The following ABCG1 variants were observed in gnomAD, a reference collection of about 807,000 sequenced individuals.
ABCG1 encodes the protein ATP binding cassette subfamily G member 1, also known as ATP-binding cassette sub-family G member 1.
Under a neutral mutation model 69.2 loss-of-function variants are expected in ABCG1, and 29 were observed. That is an observed-to-expected ratio of 0.42 (90% CI 0.31 to 0.57). ABCG1 has a LOEUF of 0.57. Ranked by LOEUF, ABCG1 falls within the 20% of genes least tolerant of loss-of-function variation. ABCG1 has a pLI of 0.15. For synonymous variants in ABCG1, 370 were observed against 374.8 expected, an observed-to-expected ratio of 0.99 and a Z score of 0.15; for missense variants, 718 against 898.1, an observed-to-expected ratio of 0.80 and a Z score of 2.56.
chr21:42,235,545 C>T (rs1354338935), intron 2 of ABCG1, among the ~76,000 whole-genome samples: 1 of 152,184 alleles, frequency 6.6e-6, no homozygotes, highest in African/African-American at 2.4e-5. Context: ...AGACAGTGAT[C>T]AATATTTAAG....
At chr21:42,222,672 T>C (rs1459322327) in intron 1 of ABCG1, among the ~76,000 whole-genome samples, 1 of 152,140 alleles carries the variant, frequency 6.6e-6, no homozygotes, top group African/African-American at 2.4e-5. Context: ...TCATCCCACC[T>C]CCCAGCACCC....
chr21:42,256,095 G>A (rs936123821), intron 2 of ABCG1: 233 of 1,273,324 alleles, frequency 1.8e-4, no homozygotes, highest in Non-Finnish European at 2.3e-4. Context: ...TCTTTCCAAG[G>A]GTCTCTGGGT....
intron 1 of ABCG1, chr21:42,220,087 T>C (rs1296289159): frequency 6.6e-7 from 1 of 1,523,828 alleles, no homozygotes; most frequent in Non-Finnish European, 8.9e-7. Context: ...TCTCCCTTTC[T>C]GGTTTTCTGG....
chr21:42,256,393 C>G, intron 2 of ABCG1: 1 of 1,550,200 alleles, frequency 6.5e-7, no homozygotes, highest in Non-Finnish European at 8.7e-7. Context: ...TTCTCTTGGC[C>G]AGACTGTGGT....
chr21:42,277,821 A>G (rs527385153), intron 5 of ABCG1, among the ~76,000 whole-genome samples: 3 of 152,244 alleles, frequency 2.0e-5, no homozygotes, highest in African/African-American at 7.2e-5. Context: ...ACAGAGTCAA[A>G]CATACTGAGG....
chr21:42,204,656 T>C (rs1204814508), intron 2 of ABCG1, among the ~76,000 whole-genome samples: 1 of 152,074 alleles, frequency 6.6e-6, no homozygotes, highest in Non-Finnish European at 1.5e-5. Context: ...TTTGTTTGGG[T>C]TTTCTGTATT....
chr21:42,265,614 G>A (rs1282345360), intron 2 of ABCG1, among the ~76,000 whole-genome samples: 1 of 152,192 alleles, frequency 6.6e-6, no homozygotes, highest in African/African-American at 2.4e-5. Flanking sequence ...CGGCCCTGAG[G>A]GCACTTCCAG....
At chr21:42,209,455 A>T (rs191755786) in intron 2 of ABCG1, among the ~76,000 whole-genome samples, 9 of 152,352 alleles carry the variant, frequency 5.9e-5, no homozygotes, top group Admixed American at 5.9e-4. Flanking sequence ...ATGATGTTAG[A>T]GCAAAGCAAT....
chr21:42,270,317 A>G (rs1260436944), intron 2 of ABCG1, among the ~76,000 whole-genome samples: 2 of 151,000 alleles, frequency 1.3e-5, no homozygotes, highest in African/African-American at 4.9e-5. Context: ...CTATGCATCC[A>G]GTTGCTTCTG....
intron 2 of ABCG1, among the ~76,000 whole-genome samples, chr21:42,209,402 G>C (rs556373772): frequency 2.0e-5 from 3 of 152,318 alleles, no homozygotes; most frequent in South Asian, 4.1e-4. Context: ...CATAACTCAT[G>C]GTTTTTATTA....
At chr21:42,228,167 G>A (rs1032660578) in intron 2 of ABCG1, among the ~76,000 whole-genome samples, 9 of 152,172 alleles carry the variant, frequency 5.9e-5, no homozygotes, top group African/African-American at 9.7e-5. Context: ...TCTTAGGAGC[G>A]CAGCCCGGGC....
At chr21:42,293,237 CACACACACCACACTACACACCAT>C (rs1189502448) in intron 13 of ABCG1, among the ~76,000 whole-genome samples, 5 of 143,126 alleles carry the variant, frequency 3.5e-5, no homozygotes, top group African/African-American at 2.7e-5. Context: ...CTACACACCA[CACACACACCACACTACACACCAT>C]ACACTACACA....
At chr21:42,253,088 G>A (rs150595637) in intron 2 of ABCG1, among the ~76,000 whole-genome samples, 4 of 152,170 alleles carry the variant, frequency 2.6e-5, no homozygotes, top group Non-Finnish European at 4.4e-5. Context: ...TGCAGTGGGC[G>A]AGGTGTCTAA....
chr21:42,210,466 T>C (rs1422249100), intron 2 of ABCG1, among the ~76,000 whole-genome samples: 1 of 152,222 alleles, frequency 6.6e-6, no homozygotes, highest in African/African-American at 2.4e-5. Context: ...TCTGTCTTAA[T>C]CTTCAACTTT....
At chr21:42,247,880 C>T (rs137863052) in intron 2 of ABCG1, among the ~76,000 whole-genome samples, 166 of 152,258 alleles carry the variant, frequency 1.1e-3, no homozygotes, top group African/African-American at 3.6e-3. Flanking sequence ...AGCCCACAGA[C>T]GCCTGGGGCC....
chr21:42,242,896 G>C lies in ABCG1; in HGVS notation c.286+16982G>C, dbSNP rs562997199. Among the ~76,000 whole-genome samples the C allele has an allele frequency of 2.6e-5, 4 of 152,262 alleles. No homozygotes were observed. In the East Asian group the frequency reaches 7.7e-4, roughly 29 times the overall value. ...GGGCTGCACCCCCGGGGGTCTGAGT[G>C]AGCAGGTTTGGGGCAGGCAGGGTTC... On this transcript the variant is annotated intron_variant, in intron 2 of 14. Coordinates refer to ENST00000398449, the MANE Select transcript of ABCG1 (RefSeq NM_016818.3).
chr21:42,205,518 A>G (rs1569199234), intron 2 of ABCG1, among the ~76,000 whole-genome samples: 1 of 151,944 alleles, frequency 6.6e-6, no homozygotes, highest in Non-Finnish European at 1.5e-5. Flanking sequence ...GAATTGCTTG[A>G]ACCTGGGAGG....
intron 2 of ABCG1, chr21:42,259,520 G>T: frequency 6.5e-7 from 1 of 1,538,870 alleles, no homozygotes; most frequent in Non-Finnish European, 8.8e-7. Flanking sequence ...ATTGACTGAG[G>T]CTGGCTGGCT....
chr21:42,294,790 C>A lies in ABCG1; in HGVS notation c.1772+130C>A. 5.2e-6 allele frequency: 4 copies of A among 775,692 alleles called. No homozygotes were observed. In the Admixed American group the frequency reaches 7.4e-5, roughly 14 times the overall value. The allele number at this position is 775,692 out of a possible 1,614,324, so 48.1% of individuals were successfully genotyped here. ...AAGAGCAGATTACACATCTGAGGAT[C>A]CAGGCCTTCCATCTTCCTGCTAGTT... On this transcript the variant is annotated intron_variant, in intron 14 of 14. Transcript: ENST00000398449.
Sources: allele counts gnomAD v4.1 joint callset (sites outside exome capture counted in the v4.1 genomes callset), GRCh38; gene constraint gnomAD v4.1.1; transcripts MANE v1.5; gene names NCBI Gene and HGNC (gene_info 2026-07-23, HGNC 2026-07-21).